Variants in NT5DC3 observed in about 807,000 individuals in gnomAD.
NT5DC3 encodes 5'-nucleotidase domain containing 3.
NT5DC3 carries 42 observed loss-of-function variants against 67.8 expected under a neutral mutation model. That is an observed-to-expected ratio of 0.62 (90% CI 0.48 to 0.80). The LOEUF (loss-of-function observed/expected upper bound fraction) is 0.80, where lower values mean the gene tolerates loss of function less well. NT5DC3 is among the 30% of genes least tolerant of loss of function. The probability of loss-of-function intolerance (pLI) is 0.00; values close to 1 mark genes in which losing one functional copy is unlikely to be tolerated. For synonymous variants in NT5DC3, 237 were observed against 255.6 expected (o/e 0.93, Z 0.69); for missense variants, 570 against 696.4 (o/e 0.82, Z 2.04).
At chr12:103,763,665 C>A in the NT5DC3 span, 5 of 1,450,620 alleles carry the variant, frequency 3.4e-6, no homozygotes, top group African/African-American at 1.4e-5. Flanking sequence ...GGAATGATGT[C>A]TTTTAGGAAA....
intron 4 of NT5DC3, among the ~76,000 whole-genome samples, chr12:103,800,721 G>A (rs956078010): frequency 2.6e-5 from 4 of 152,232 alleles, no homozygotes; most frequent in South Asian, 2.1e-4. Flanking sequence ...CGTTGAAATC[G>A]AAGTGGAAGC....
At chr12:103,751,044 C>T in the NT5DC3 span, among the ~76,000 whole-genome samples, 24 of 152,326 alleles carry the variant, frequency 1.6e-4, no homozygotes, top group East Asian at 1.7e-3. Flanking sequence ...AATAGGACAT[C>T]TTGAAACCCA....
intron 4 of NT5DC3, among the ~76,000 whole-genome samples, chr12:103,801,300 A>T (rs1224127925): frequency 1.3e-5 from 2 of 148,790 alleles, no homozygotes; most frequent in African/African-American, 5.0e-5. Flanking sequence ...GAAAAGTGAC[A>T]TTTCTGCATG....
the NT5DC3 span, chr12:103,761,179 A>G: frequency 1.2e-6 from 1 of 812,968 alleles, no homozygotes; most frequent in Non-Finnish European, 2.0e-6. Flanking sequence ...TGGGCTGCCT[A>G]TCAGTGGAGA....
the NT5DC3 span, among the ~76,000 whole-genome samples, chr12:103,760,375 C>CT: frequency 1.3e-5 from 2 of 152,200 alleles, no homozygotes; most frequent in African/African-American, 4.8e-5. Flanking sequence ...ATCCTCCTGC[C>CT]TCAGCCTCCC....
chr12:103,757,749 G>A, the NT5DC3 span, among the ~76,000 whole-genome samples: 1 of 152,212 alleles, frequency 6.6e-6, no homozygotes, highest in East Asian at 1.9e-4. Flanking sequence ...CATATGGCTG[G>A]AACAGAGTGA....
chr12:103,833,150 C>T (rs1279925814), intron 1 of NT5DC3, among the ~76,000 whole-genome samples: 1 of 152,162 alleles, frequency 6.6e-6, no homozygotes, highest in Non-Finnish European at 1.5e-5. Flanking sequence ...AAGGGGCCTC[C>T]ACAGTCAAAT....
At chr12:103,810,310 AAC>A (rs58734851) in intron 2 of NT5DC3, among the ~76,000 whole-genome samples, 6 of 151,678 alleles carry the variant, frequency 4.0e-5, no homozygotes, top group Non-Finnish European at 8.8e-5. Flanking sequence ...GCCCATTTCC[AAC>A]ACACACACAC....
the NT5DC3 span, chr12:103,750,464 G>T: frequency 4.4e-6 from 6 of 1,356,198 alleles, no homozygotes; most frequent in Non-Finnish European, 6.1e-6. Flanking sequence ...GGAAAGGCAC[G>T]TTCTCTTGGT....
At chr12:103,760,389 T>C in the NT5DC3 span, among the ~76,000 whole-genome samples, 1 of 152,210 alleles carries the variant, frequency 6.6e-6, no homozygotes, top group Non-Finnish European at 1.5e-5. Flanking sequence ...GCCTCCCGCG[T>C]AGCTGGGACT....
chr12:103,805,887 CACCCAAAT>C (rs1324434367), intron 4 of NT5DC3, among the ~76,000 whole-genome samples: 2 of 150,050 alleles, frequency 1.3e-5, no homozygotes, highest in Non-Finnish European at 3.0e-5. Context: ...ATATCCAAAC[CACCCAAAT>C]ACCATGGTGG....
intron 6 of NT5DC3, among the ~76,000 whole-genome samples, 154 bp from the exon 7 acceptor site, chr12:103,794,151 C>G (rs73192048): frequency 7.1e-6 from 1 of 140,020 alleles, no homozygotes; most frequent in Non-Finnish European, 1.5e-5. Flanking sequence ...TTTTCTTCTT[C>G]TTTTTTTTTT....
At chr12:103,798,928 T>C (rs1886440137) in intron 4 of NT5DC3, among the ~76,000 whole-genome samples, 1 of 152,248 alleles carries the variant, frequency 6.6e-6, no homozygotes, top group South Asian at 2.1e-4. Flanking sequence ...ATAGGCCAGA[T>C]ATGAATTACA....
chr12:103,811,383 AG>A (rs1477113224), intron 2 of NT5DC3, among the ~76,000 whole-genome samples: 1 of 152,118 alleles, frequency 6.6e-6, no homozygotes, highest in African/African-American at 2.4e-5. Context: ...AAGGAGCAGG[AG>A]GGGAGGAGAG....
intron 2 of NT5DC3, among the ~76,000 whole-genome samples, chr12:103,814,099 C>T (rs1283980438): frequency 2.0e-5 from 3 of 152,328 alleles, no homozygotes; most frequent in South Asian, 2.1e-4. Flanking sequence ...ACGTGACCGA[C>T]GACCCCACTG....
the NT5DC3 span, chr12:103,759,215 T>C: frequency 2.0e-5 from 32 of 1,614,048 alleles, no homozygotes; most frequent in African/African-American, 2.7e-5. Context: ...GGCACCACCC[T>C]GCAAACGAGG....
At chr12:103,839,538 C>T (rs1362832453) in intron 1 of NT5DC3, among the ~76,000 whole-genome samples, 2 of 152,146 alleles carry the variant, frequency 1.3e-5, no homozygotes, top group Non-Finnish European at 2.9e-5. Context: ...TCACACCTGG[C>T]CCCTCTATTA....
intron 6 of NT5DC3, among the ~76,000 whole-genome samples, chr12:103,794,296 C>T (rs765914913): frequency 3.4e-5 from 3 of 88,794 alleles, no homozygotes; most frequent in Non-Finnish European, 7.0e-5. Context: ...ATTACAGGCG[C>T]CCGCCAGCAC....
chr12:103,793,656 G>A, intron 7 of NT5DC3, 144 bp from the exon 8 acceptor site: 2 of 648,144 alleles, frequency 3.1e-6, no homozygotes, highest in South Asian at 3.8e-5. Context: ...TTTGTCCGGT[G>A]GAACACGGGT....
Sources: gnomAD v4.1 joint callset for allele counts (sites outside exome capture counted in the v4.1 genomes callset) on GRCh38, gnomAD v4.1.1 for gene constraint, MANE v1.5 for transcripts, NCBI Gene and HGNC (gene_info 2026-07-23, HGNC 2026-07-21) for gene names.